Variants in ABCD3 observed in about 807,000 individuals in gnomAD.
ABCD3 encodes the protein ATP binding cassette subfamily D member 3.
A neutral mutation model predicts 105.5 loss-of-function variants in ABCD3; 41 were observed. That is an observed-to-expected ratio of 0.39 (90% CI 0.30 to 0.50). The LOEUF is 0.50. ABCD3 is among the 20% of genes least tolerant of loss of function. The pLI is 0.84. For synonymous variants in ABCD3, 258 were observed against 269.0 expected, an observed-to-expected ratio of 0.96 and a Z score of 0.40; for missense variants, 622 against 806.3, an observed-to-expected ratio of 0.77 and a Z score of 2.77.
intron 20 of ABCD3, among the ~76,000 whole-genome samples, chr1:94,503,906 C>CTTTTTTTTTTTTTTTTTT: frequency 1.4e-5 from 1 of 69,804 alleles, no homozygotes; most frequent in Non-Finnish European, 2.6e-5. Context: ...ACAAGTGATT[C>CTTTTTTTTTTTTTTTTTT]TTTTTTTTTT....
At chr1:94,437,070 T>A (rs1659933687) in intron 1 of ABCD3, among the ~76,000 whole-genome samples, 1 of 152,182 alleles carries the variant, frequency 6.6e-6, no homozygotes, top group African/African-American at 2.4e-5. Context: ...GGTTGGTTCA[T>A]GAGGTTTAAG....
Position 94,495,951 on chromosome 1 carries a change from A to G in ABCD3, c.1387-2651A>G, listed in dbSNP as rs927610497. 3.3e-5 allele frequency among the ~76,000 whole-genome samples: 5 copies of G among 152,340 alleles called. No homozygotes were observed. The East Asian group carries it at 7.7e-4, about 24-fold the overall frequency. ...AATTGTGTTATTTAAAAAGAAGTCT[A>G]TCAAAATGATTCTTTATCAGAAAAA... is the stretch of plus-strand genomic sequence containing the variant. On this transcript the variant is annotated intron_variant, in intron 16 of 22. Transcript: ENST00000370214.
chr1:94,386,346 C>T, the ABCD3 span, among the ~76,000 whole-genome samples: 40 of 152,320 alleles, frequency 2.6e-4, no homozygotes, highest in Admixed American at 1.4e-3. Flanking sequence ...AGAAACAATA[C>T]GCGTAGAGTT....
chr1:94,417,374 C>A (rs936494237), upstream of ABCD3, among the ~76,000 whole-genome samples: 2 of 152,184 alleles, frequency 1.3e-5, no homozygotes, highest in African/African-American at 4.8e-5. Flanking sequence ...GTGCATTATG[C>A]GAGGTTTTAT....
the ABCD3 span, among the ~76,000 whole-genome samples, chr1:94,403,050 G>A: frequency 1.0e-4 from 15 of 147,524 alleles, no homozygotes; most frequent in African/African-American, 3.5e-4. Context: ...GAGAATATGC[G>A]GTGTTTGGTT....
the ABCD3 span, among the ~76,000 whole-genome samples, chr1:94,389,350 A>G: frequency 3.9e-5 from 6 of 152,176 alleles, no homozygotes; most frequent in Admixed American, 3.9e-4. Flanking sequence ...AGGCCATGAC[A>G]TCCATGCTGA....
chr1:94,489,871 TATG>T, intron 14 of ABCD3, 29 bp from the exon 15 acceptor site: 1 of 1,611,894 alleles, frequency 6.2e-7, no homozygotes, highest in Non-Finnish European at 8.5e-7. Context: ...GCTGACATAA[TATG>T]ATGCTTTAAT....
chr1:94,403,673 T>A, the ABCD3 span, among the ~76,000 whole-genome samples: 1 of 152,244 alleles, frequency 6.6e-6, no homozygotes. Context: ...AATTTATTAC[T>A]GGACTTATTT....
At chr1:94,388,725 C>T in the ABCD3 span, among the ~76,000 whole-genome samples, 7 of 152,306 alleles carry the variant, frequency 4.6e-5, no homozygotes, top group African/African-American at 1.4e-4. Context: ...GGAGAATCAT[C>T]TTAGCCTGAG....
the ABCD3 span, among the ~76,000 whole-genome samples, chr1:94,393,502 G>T: frequency 1.3e-5 from 2 of 152,022 alleles, no homozygotes; most frequent in Admixed American, 6.6e-5. Context: ...AGCCAGGCTT[G>T]GTGGTGCATG....
chr1:94,516,014 C>T (rs760610670), intron 22 of ABCD3, among the ~76,000 whole-genome samples: 9 of 151,956 alleles, frequency 5.9e-5, no homozygotes, highest in Non-Finnish European at 1.3e-4. Flanking sequence ...AAAATACATA[C>T]CTGATTAAGG....
chr1:94,513,473 A>G (rs1650775670), intron 21 of ABCD3: 1 of 152,108 alleles, frequency 6.6e-6, no homozygotes, highest in Non-Finnish European at 1.5e-5. Flanking sequence ...ACATGTATAA[A>G]CATGATGAGG....
chr1:94,389,636 C>T, the ABCD3 span, among the ~76,000 whole-genome samples: 1 of 152,196 alleles, frequency 6.6e-6, no homozygotes, highest in African/African-American at 2.4e-5. Context: ...CTGTTCCGGC[C>T]TCTCAGCTCT....
intron 1 of ABCD3, among the ~76,000 whole-genome samples, chr1:94,439,477 A>G (rs948701751): frequency 3.3e-5 from 5 of 152,200 alleles, no homozygotes; most frequent in Non-Finnish European, 7.4e-5. Flanking sequence ...CCCTGTCTCT[A>G]CTAAAAATAC....
chr1:94,507,652 G>T (rs1046124975), intron 21 of ABCD3, among the ~76,000 whole-genome samples: 3 of 152,118 alleles, frequency 2.0e-5, no homozygotes, highest in Non-Finnish European at 4.4e-5. Flanking sequence ...TCCAGCACCT[G>T]TTGTTTCCTG....
At chr1:94,515,392 G>A (rs576892013) in intron 22 of ABCD3, among the ~76,000 whole-genome samples, 190 bp downstream of exon 22, 1 of 152,084 alleles carries the variant, frequency 6.6e-6, no homozygotes, top group East Asian at 1.9e-4. Flanking sequence ...AAGCAATGGT[G>A]TAACAGTTTT....
chr1:94,404,570 C>T, the ABCD3 span, among the ~76,000 whole-genome samples: 1 of 152,056 alleles, frequency 6.6e-6, no homozygotes. Flanking sequence ...AGAATGTAAT[C>T]ATGCTTCCAA....
chr1:94,514,284 G>C (rs1448475293), intron 21 of ABCD3: 4 of 151,888 alleles, frequency 2.6e-5, no homozygotes, highest in African/African-American at 9.7e-5. Context: ...AAGCATCCCT[G>C]GCCTCTGCCC....
chr1:94,385,566 C>T, the ABCD3 span, among the ~76,000 whole-genome samples: 1 of 152,226 alleles, frequency 6.6e-6, no homozygotes, highest in Non-Finnish European at 1.5e-5. Flanking sequence ...ATTTCTCTGG[C>T]TGTCATGCAC....
Sources: allele counts gnomAD v4.1 joint callset (sites outside exome capture counted in the v4.1 genomes callset), GRCh38; gene constraint gnomAD v4.1.1; transcripts MANE v1.5; gene names NCBI Gene and HGNC (gene_info 2026-07-23, HGNC 2026-07-21).